The following DNA2 variants were observed in gnomAD, a reference collection of about 807,000 sequenced individuals.
DNA2 encodes the protein DNA replication helicase/nuclease 2.
In DNA2, 101 loss-of-function variants were observed where a neutral mutation model predicts 119.1. The ratio of observed to expected loss-of-function variants is 0.85; its 90% CI spans 0.72 to 1.00. The LOEUF is 1.00. DNA2 is among the 50% of genes least tolerant of loss of function. The probability of loss-of-function intolerance (pLI) is 0.00; values close to 1 mark genes in which losing one functional copy is unlikely to be tolerated. For missense variants in DNA2, 1,121 were observed against 1,255.5 expected, an observed-to-expected ratio of 0.89 and a Z score of 1.62; for synonymous variants, 366 against 424.4, an observed-to-expected ratio of 0.86 and a Z score of 1.69.
At chr10:68,429,171 T>A (rs1409465736) in intron 14 of DNA2, among the ~76,000 whole-genome samples, 1 of 150,820 alleles carries the variant, frequency 6.6e-6, no homozygotes, top group Non-Finnish European at 1.5e-5. Context: ...GGAAATTTTT[T>A]AAAGACAAAA....
intron 18 of DNA2, 150 bp from the exon 19 acceptor site, chr10:68,419,363 G>C: frequency 9.6e-6 from 6 of 628,178 alleles, no homozygotes; most frequent in Non-Finnish European, 1.3e-5. Flanking sequence ...TACTGAATTT[G>C]CTCTAAATCT....
intron 10 of DNA2, among the ~76,000 whole-genome samples, chr10:68,434,843 G>C (rs2051867221): frequency 3.3e-5 from 5 of 151,798 alleles, no homozygotes; most frequent in Admixed American, 2.6e-4. Context: ...ACTCAACTAA[G>C]ATTACTGATC....
At chr10:68,421,492 C>T (rs2051664238) in intron 17 of DNA2, among the ~76,000 whole-genome samples, 1 of 152,016 alleles carries the variant, frequency 6.6e-6, no homozygotes, top group South Asian at 2.1e-4. Context: ...CAGTGGCTCA[C>T]ACTATAATCC....
intron 8 of DNA2, among the ~76,000 whole-genome samples, 161 bp downstream of exon 8, chr10:68,444,760 T>G (rs1431406599): frequency 3.3e-5 from 5 of 150,910 alleles, no homozygotes; most frequent in Admixed American, 6.6e-5. Context: ...AGTACTGTGG[T>G]TTTTTTTCTA....
At chr10:68,447,766 G>A (rs1289297151) in intron 6 of DNA2, among the ~76,000 whole-genome samples, 1 of 151,660 alleles carries the variant, frequency 6.6e-6, no homozygotes, top group African/African-American at 2.4e-5. Flanking sequence ...GGCGGATCAT[G>A]AGGTCAGGAG....
chr10:68,427,259 G>A (rs927423042), intron 14 of DNA2, among the ~76,000 whole-genome samples: 2 of 151,910 alleles, frequency 1.3e-5, no homozygotes, highest in Non-Finnish European at 2.9e-5. Flanking sequence ...TTGGGAGGCT[G>A]AGGCAGGAGA....
At chr10:68,435,959 G>A (rs563544808) in intron 10 of DNA2, among the ~76,000 whole-genome samples, 13 of 152,312 alleles carry the variant, frequency 8.5e-5, no homozygotes, top group Admixed American at 1.3e-4. Context: ...GTAAGAATTA[G>A]ATAAGATTAT....
chr10:68,415,300 G>T (rs1021300945), intron 20 of DNA2, among the ~76,000 whole-genome samples, 193 bp from the exon 21 acceptor site: 1 of 148,310 alleles, frequency 6.7e-6, no homozygotes, highest in Non-Finnish European at 1.5e-5. Context: ...TTCTGAGATG[G>T]AGTTTCACTC....
intron 3 of DNA2, among the ~76,000 whole-genome samples, chr10:68,467,238 G>A (rs973927796): frequency 1.3e-5 from 2 of 151,806 alleles, no homozygotes; most frequent in African/African-American, 2.4e-5. Flanking sequence ...AGCCTCTCGA[G>A]TAGCTAGGAT....
intron 14 of DNA2, 103 bp from the exon 15 acceptor site, chr10:68,422,993 G>A: frequency 3.8e-6 from 3 of 787,006 alleles, no homozygotes; most frequent in East Asian, 2.7e-5. Context: ...TTGTTCTATG[G>A]CATCAGGAAT....
At chr10:68,421,826 C>T (rs191745430) in intron 17 of DNA2, among the ~76,000 whole-genome samples, 1,311 of 99,796 alleles carry the variant, frequency 0.013, 21 homozygotes, top group African/African-American at 0.055. Flanking sequence ...CTTTTTTTTT[C>T]CCCCCAAGAT....
chr10:68,438,318 G>A (rs888777213), intron 9 of DNA2, among the ~76,000 whole-genome samples: 2 of 151,930 alleles, frequency 1.3e-5, no homozygotes, highest in Non-Finnish European at 2.9e-5. Context: ...GCAGGAGTTC[G>A]AGACAAGCCT....
At position 68,450,246 on chromosome 10, in the gene DNA2, GC is replaced by G; in HGVS notation, c.720del (p.Pro241GlnfsTer16). The G allele has an allele frequency of 1.3e-6, 2 of 1,552,168 alleles. No homozygotes were observed. Among genetic ancestry groups the G allele is most frequent in the Non-Finnish European group, 1.7e-6 (2 of 1,148,436 alleles). ...STDFPQMQLSLPSDNSKDNST... is the reference protein window; with the variant it reads ...STDFPQMQLSXPSDNSKDNST... ...GAATTATCCTTACTATTATCACTTG[GC>G]CTGAAAAAAAAAAAAGCACAAAAAC... On this transcript the variant is annotated frameshift_variant and splice_region_variant, in exon 6 of 21. Transcript: ENST00000358410. LOFTEE classifies it high-confidence loss of function.
chr10:68,460,420 T>A (rs1484161040), intron 4 of DNA2, among the ~76,000 whole-genome samples: 1 of 118,466 alleles, frequency 8.4e-6, no homozygotes, highest in Non-Finnish European at 1.9e-5. Flanking sequence ...AATACGGTAA[T>A]TTTTTTTTTT....
chr10:68,462,879 A>G (rs1463139915), intron 4 of DNA2, among the ~76,000 whole-genome samples: 9 of 152,334 alleles, frequency 5.9e-5, no homozygotes, highest in African/African-American at 2.2e-4. Context: ...CTATAATCCC[A>G]GCACTTTGGG....
chr10:68,416,602 G>C, intron 20 of DNA2, 107 bp downstream of exon 20: 1 of 1,185,482 alleles, frequency 8.4e-7, no homozygotes, highest in South Asian at 1.4e-5. Context: ...GAGCCCAGGA[G>C]TTCAAGACCA....
At chr10:68,468,798 C>T (rs908798965) in intron 2 of DNA2, among the ~76,000 whole-genome samples, 1 of 152,134 alleles carries the variant, frequency 6.6e-6, no homozygotes, top group Non-Finnish European at 1.5e-5. Context: ...TGCCTATAAT[C>T]CCAGCACTTT....
At position 68,465,648 on chromosome 10, in the gene DNA2, TCTTCTTATAACTA is replaced by T; in HGVS notation, c.587+6_587+18del. 1.3e-6 allele frequency: 2 copies of T among 1,547,640 alleles called. No homozygotes were observed. The highest frequency in any genetic ancestry group is 1.8e-6 in the Non-Finnish European group (2 of 1,141,730). The stretch of plus-strand genomic sequence containing the variant: ...TATATAATAAAATTATACCTGCAGT[TCTTCTTATAACTA>T]CTTACATTTCCTTCAAATGTCTTAT... On this transcript the variant is annotated splice_donor_region_variant and intron_variant, in intron 4 of 20. Coordinates refer to ENST00000358410, the MANE Select transcript of DNA2 (RefSeq NM_001080449.3).
chr10:68,425,014 A>G (rs1332730463), intron 14 of DNA2: 1 of 514,188 alleles, frequency 1.9e-6, no homozygotes, highest in East Asian at 4.1e-5. Flanking sequence ...CCTGTTGTGC[A>G]ACCATGGTTT....
Sources: gnomAD v4.1 joint callset for allele counts (sites outside exome capture counted in the v4.1 genomes callset) on GRCh38, gnomAD v4.1.1 for gene constraint, MANE v1.5 for transcripts, NCBI Gene and HGNC (gene_info 2026-07-23, HGNC 2026-07-21) for gene names.